Variants in GPC5 observed in about 807,000 individuals in gnomAD.
The protein encoded by GPC5 is glypican-5.
In GPC5, 47 loss-of-function variants were observed where a neutral mutation model predicts 53.9. The observed-to-expected ratio is 0.87, with a 90% CI of 0.69 to 1.11. GPC5 has a LOEUF of 1.11. Among genes scored for constraint, GPC5 ranks in the 50% most tolerant of loss-of-function variants. The pLI is 0.00. For missense variants in GPC5, 748 were observed against 713.1 expected (o/e 1.05, Z -0.56); for synonymous variants, 286 against 263.3 (o/e 1.09, Z -0.84).
At chr13:91,949,942 G>T (rs2040010373) in intron 6 of GPC5, among the ~76,000 whole-genome samples, 1 of 152,142 alleles carries the variant, frequency 6.6e-6, no homozygotes, top group Non-Finnish European at 1.5e-5. Flanking sequence ...ACCCTTTGGA[G>T]AATTTGATAT....
intron 7 of GPC5, among the ~76,000 whole-genome samples, chr13:92,257,994 T>C (rs1594043177): frequency 6.6e-6 from 1 of 152,222 alleles, no homozygotes; most frequent in African/African-American, 2.4e-5. Context: ...AGTAATTTGT[T>C]TTAGTTCTTT....
At chr13:91,461,194 T>C (rs1289909694) in intron 2 of GPC5, among the ~76,000 whole-genome samples, 1 of 152,174 alleles carries the variant, frequency 6.6e-6, no homozygotes, top group Non-Finnish European at 1.5e-5. Context: ...TTAAAGGATA[T>C]TGTTTTCTTG....
intron 3 of GPC5, among the ~76,000 whole-genome samples, chr13:91,706,885 G>A (rs1213857074): frequency 2.0e-5 from 3 of 152,106 alleles, no homozygotes; most frequent in African/African-American, 4.8e-5. Flanking sequence ...AGTTAGGAAT[G>A]TGCCAAATAG....
At chr13:92,783,913 C>A (rs1167439409) in intron 7 of GPC5, among the ~76,000 whole-genome samples, 1 of 151,990 alleles carries the variant, frequency 6.6e-6, no homozygotes, top group African/African-American at 2.4e-5. Flanking sequence ...CACTAAGAAC[C>A]CATTTTACTT....
At chr13:91,492,103 G>A (rs1302505646) in intron 2 of GPC5, among the ~76,000 whole-genome samples, 2 of 152,128 alleles carry the variant, frequency 1.3e-5, no homozygotes, top group Admixed American at 6.6e-5. Flanking sequence ...CACTTGGTTG[G>A]AAAGTTATTT....
At chr13:92,045,591 C>G (rs1201806152) in intron 6 of GPC5, among the ~76,000 whole-genome samples, 1 of 152,118 alleles carries the variant, frequency 6.6e-6, no homozygotes, top group Non-Finnish European at 1.5e-5. Flanking sequence ...ATTTCAAACA[C>G]TTGTAGAGCT....
At chr13:91,751,244 G>T (rs2037170245) in intron 4 of GPC5, among the ~76,000 whole-genome samples, 1 of 152,134 alleles carries the variant, frequency 6.6e-6, no homozygotes, top group Admixed American at 6.5e-5. Context: ...TTTAGCCTCA[G>T]AAAATTCAAA....
intron 6 of GPC5, among the ~76,000 whole-genome samples, chr13:92,039,934 T>C (rs1466896085): frequency 1.3e-5 from 2 of 152,180 alleles, no homozygotes; most frequent in Non-Finnish European, 2.9e-5. Context: ...ACGTGAGTTT[T>C]GAGGAAAGGC....
At chr13:91,406,593 GAC>G (rs1439027064) in intron 1 of GPC5, among the ~76,000 whole-genome samples, 1 of 152,118 alleles carries the variant, frequency 6.6e-6, no homozygotes, top group African/African-American at 2.4e-5. Context: ...TAAACTCTGG[GAC>G]ACTAAAAGAC....
intron 7 of GPC5, among the ~76,000 whole-genome samples, chr13:92,455,926 G>A (rs1878247787): frequency 6.6e-6 from 1 of 151,816 alleles, no homozygotes; most frequent in African/African-American, 2.4e-5. Context: ...ACTTCTTTTG[G>A]GTTCTTTTAT....
intron 7 of GPC5, among the ~76,000 whole-genome samples, chr13:92,626,384 C>T (rs987179769): frequency 5.9e-5 from 9 of 151,910 alleles, no homozygotes; most frequent in South Asian, 2.1e-4. Flanking sequence ...GGGATAGAGA[C>T]GAACACAGTC....
At chr13:91,432,211 G>GCTGCTGCTGCTGCTGC (rs1231375785) in intron 1 of GPC5, among the ~76,000 whole-genome samples, 1 of 121,604 alleles carries the variant, frequency 8.2e-6, no homozygotes, top group African/African-American at 3.0e-5. Context: ...TGCTGTGTGT[G>GCTGCTGCTGCTGCTGC]TGTGTGTGTG....
At chr13:91,810,472 A>G (rs1025441862) in intron 5 of GPC5, among the ~76,000 whole-genome samples, 1 of 151,996 alleles carries the variant, frequency 6.6e-6, no homozygotes, top group Non-Finnish European at 1.5e-5. Context: ...CTCTTCAATT[A>G]TGTAGTCTGT....
At chr13:92,703,062 A>G (rs1220839695) in intron 7 of GPC5, among the ~76,000 whole-genome samples, 1 of 149,864 alleles carries the variant, frequency 6.7e-6, no homozygotes, top group Non-Finnish European at 1.5e-5. Flanking sequence ...ATATTTATTT[A>G]TTTATTTATT....
chr13:91,405,752 A>T (rs1877276681), intron 1 of GPC5, among the ~76,000 whole-genome samples: 1 of 152,080 alleles, frequency 6.6e-6, no homozygotes, highest in Admixed American at 6.5e-5. Context: ...GGTTGGTTTA[A>T]TGTTCTCTTG....
intron 7 of GPC5, among the ~76,000 whole-genome samples, chr13:92,471,241 A>G (rs927639140): frequency 3.3e-5 from 5 of 152,052 alleles, no homozygotes; most frequent in Non-Finnish European, 7.4e-5. Flanking sequence ...CTTTATTTTT[A>G]TTTTATAGCT....
intron 5 of GPC5, among the ~76,000 whole-genome samples, chr13:91,797,650 T>G (rs2138765510): frequency 6.6e-6 from 1 of 152,344 alleles, no homozygotes; most frequent in East Asian, 1.9e-4. Flanking sequence ...GCTCTACATC[T>G]GCCTCTGTGA....
intron 7 of GPC5, among the ~76,000 whole-genome samples, chr13:92,711,061 ACTT>A (rs1888122319): frequency 6.6e-6 from 1 of 152,192 alleles, no homozygotes; most frequent in African/African-American, 2.4e-5. Context: ...GTACAGTCCC[ACTT>A]CTTAACAGTG....
chr13:92,567,932 G>A (rs1257745031), intron 7 of GPC5, among the ~76,000 whole-genome samples: 4 of 152,232 alleles, frequency 2.6e-5, no homozygotes, highest in East Asian at 1.9e-4. Flanking sequence ...TGATTTAAAC[G>A]AATGATAATG....
Sources: allele counts gnomAD v4.1 joint callset (sites outside exome capture counted in the v4.1 genomes callset), GRCh38; gene constraint gnomAD v4.1.1; transcripts MANE v1.5; gene names NCBI Gene and HGNC (gene_info 2026-07-23, HGNC 2026-07-21).